The following AGAP1 variants were observed in gnomAD, a reference collection of about 807,000 sequenced individuals.
AGAP1 encodes the protein ArfGAP with GTPase domain, ankyrin repeat and PH domain 1.
AGAP1 carries 29 observed loss-of-function variants against 105.3 expected under a neutral mutation model. That is an observed-to-expected ratio of 0.28 (90% CI 0.21 to 0.38). The LOEUF (loss-of-function observed/expected upper bound fraction) is 0.38. Ranked by LOEUF, AGAP1 falls within the 10% of genes least tolerant of loss-of-function variation. The probability of loss-of-function intolerance (pLI) is 1.00; values close to 1 mark genes in which losing one functional copy is unlikely to be tolerated. For missense variants in AGAP1, 998 were observed against 1,165.1 expected (o/e 0.86, Z 2.09); for synonymous variants, 509 against 485.9 (o/e 1.05, Z -0.63).
chr2:236,059,794 T>C (rs2058140664), intron 16 of AGAP1, among the ~76,000 whole-genome samples: 1 of 152,174 alleles, frequency 6.6e-6, no homozygotes, highest in Non-Finnish European at 1.5e-5. Flanking sequence ...GAAGTTAGAC[T>C]CTTATCTAAT....
Position 235,992,745 on chromosome 2 carries a change from C to T in AGAP1, c.1645+24122C>T, listed in dbSNP as rs991344146. ...CTGAGGTCCTGCACACCTGGGGATGCGTCGTGGGCGCCGAGGAGAGCGTAG... is the reference window on the plus strand; with the variant it reads ...CTGAGGTCCTGCACACCTGGGGATGTGTCGTGGGCGCCGAGGAGAGCGTAG... On this transcript the variant is annotated intron_variant, in intron 13 of 17. Transcript: ENST00000304032. This position sits in a 1 kb window ranked among gnomAD's most constrained non-coding sequence, Gnocchi z 4.8. Among the ~76,000 whole-genome samples the T allele has an allele frequency of 1.3e-5, 2 of 152,198 alleles. No individual in the cohort carries two copies. Among genetic ancestry groups the T allele is most frequent in the African/African-American group, 2.4e-5 (1 of 41,454 alleles).
chr2:235,546,182 A>T (rs1477503722), intron 1 of AGAP1, among the ~76,000 whole-genome samples: 3 of 152,180 alleles, frequency 2.0e-5, no homozygotes. Context: ...GCTAGAATTC[A>T]GTTGATTTCT....
At position 236,036,445 on chromosome 2, in the gene AGAP1, C is replaced by T; in HGVS notation, c.1646-116C>T. On this transcript the variant is annotated intron_variant, in intron 13 of 17. Coordinates refer to ENST00000304032, the MANE Select transcript of AGAP1 (RefSeq NM_001037131.3). The surrounding 1 kb of genome is among the most constrained non-coding windows in gnomAD (Gnocchi z 5.7). ...CGCCGTGGTTGTCCAGTGCCGTGCG[C>T]CTCACCGGTCCATGCAGGGGCAGCT... The T allele has an allele frequency of 7.3e-7, 1 of 1,378,290 alleles. No individual in the cohort carries two copies. Among genetic ancestry groups the T allele is most frequent in the Admixed American group, 2.1e-5 (1 of 48,326 alleles). 85.4% of individuals were successfully genotyped at this position (1,378,290 alleles called of 1,614,324 possible). A position where few individuals can be genotyped will look rare whatever the true frequency, so the allele number is the denominator to read the frequency against.
In AGAP1 at chr2:235,754,390, A is replaced by AAGCG. The variant is rs1953724966; in HGVS notation, c.673+3903_673+3906dup. On this transcript the variant is annotated intron_variant, in intron 6 of 17. Coordinates refer to ENST00000304032, the MANE Select transcript of AGAP1 (RefSeq NM_001037131.3). The surrounding 1 kb of genome is among the most constrained non-coding windows in gnomAD (Gnocchi z 4.6). ...ATGGTAGAAAGAAAACATAAAGGAA[A>AAGCG]AGCGTGTAATTTCTACATAATGTTT... Among the ~76,000 whole-genome samples the AAGCG allele has an allele frequency of 6.6e-6, 1 of 152,070 alleles. No homozygotes were observed. The highest frequency in any genetic ancestry group is 1.5e-5 in the Non-Finnish European group (1 of 68,020).
intron 13 of AGAP1, among the ~76,000 whole-genome samples, chr2:236,033,505 A>G (rs768636772): frequency 5.3e-5 from 8 of 152,268 alleles, no homozygotes; most frequent in Non-Finnish European, 1.0e-4. Context: ...GATACCAGAT[A>G]GCAGCTACTG....
intron 9 of AGAP1, among the ~76,000 whole-genome samples, chr2:235,820,128 A>G (rs1189925567): frequency 1.3e-5 from 2 of 151,968 alleles, no homozygotes; most frequent in Non-Finnish European, 2.9e-5. Context: ...TTCAAGTCCC[A>G]ACCTCAGGTG....
intron 1 of AGAP1, among the ~76,000 whole-genome samples, chr2:235,531,966 G>T (rs909403924): frequency 5.3e-5 from 8 of 152,062 alleles, no homozygotes; most frequent in Non-Finnish European, 1.2e-4. Flanking sequence ...GTGGCTGTCC[G>T]CATTAGATCG....
In AGAP1 at chr2:235,864,715, G is replaced by C. The variant is rs1178196313; in HGVS notation, c.1051-18630G>C. ...AACTAGAAAAATCAAGAGGGGATCT[G>C]TCAGTCCTGGTGGGAAAAAAAAACA... On this transcript the variant is annotated intron_variant, in intron 9 of 17. Coordinates refer to ENST00000304032, the MANE Select transcript of AGAP1 (RefSeq NM_001037131.3). The surrounding 1 kb of genome is among the most constrained non-coding windows in gnomAD (Gnocchi z 5.0). Among the ~76,000 whole-genome samples, 3 of 152,144 alleles carry C rather than the reference G, an allele frequency of 2.0e-5. No homozygotes were observed. The East Asian group carries it at 5.8e-4, about 29-fold the overall frequency.
In AGAP1 at chr2:235,736,364, A is replaced by G. The variant is rs1364856137; in HGVS notation, c.311-4599A>G. ...TTGAAAATGAAGTTATGCTGATGTC[A>G]TTTAATCGTACGTCATCATAATTGG... On this transcript the variant is annotated intron_variant, in intron 3 of 17. Transcript: ENST00000304032. The surrounding 1 kb of genome is among the most constrained non-coding windows in gnomAD (Gnocchi z 5.5). Among the ~76,000 whole-genome samples, 1 of 152,134 alleles carries G rather than the reference A, an allele frequency of 6.6e-6. No individual in the cohort carries two copies. Among genetic ancestry groups the G allele is most frequent in the Non-Finnish European group, 1.5e-5 (1 of 68,030 alleles).
rs1383662263 is a variant in AGAP1, at chr2:235,905,187, A to G, written c.1156-3551A>G. Among the ~76,000 whole-genome samples the G allele has an allele frequency of 6.6e-6, 1 of 152,230 alleles. No individual in the cohort carries two copies. Among genetic ancestry groups the G allele is most frequent in the Non-Finnish European group, 1.5e-5 (1 of 68,042 alleles). On this transcript the variant is annotated intron_variant, in intron 10 of 17. Transcript: ENST00000304032. The surrounding 1 kb of genome is among the most constrained non-coding windows in gnomAD (Gnocchi z 4.2). ...ATGCCTATTAAAAGAGCCCATGCTGAGGCTTAGTCACTATCTGATTAGCCT... is the reference window on the plus strand; with the variant it reads ...ATGCCTATTAAAAGAGCCCATGCTGGGGCTTAGTCACTATCTGATTAGCCT...
At chr2:235,933,015 A>T (rs1392175502) in intron 12 of AGAP1, among the ~76,000 whole-genome samples, 1 of 152,198 alleles carries the variant, frequency 6.6e-6, no homozygotes, top group Non-Finnish European at 1.5e-5. Flanking sequence ...TGACCTCGTA[A>T]ATCTTGAACC....
chr2:236,107,378 C>T (rs1231470173), intron 16 of AGAP1, among the ~76,000 whole-genome samples: 3 of 152,224 alleles, frequency 2.0e-5, no homozygotes, highest in African/African-American at 7.2e-5. Context: ...ACGCATCCTC[C>T]CTGCCGGGCT....
chr2:235,822,294 G>A (rs1007902207), intron 9 of AGAP1, among the ~76,000 whole-genome samples: 1 of 152,214 alleles, frequency 6.6e-6, no homozygotes, highest in African/African-American at 2.4e-5. Flanking sequence ...CTGTATTGGA[G>A]GGAAGGAGTA....
intron 11 of AGAP1, among the ~76,000 whole-genome samples, chr2:235,921,089 G>A (rs1283892146): frequency 6.6e-6 from 1 of 152,156 alleles, no homozygotes; most frequent in South Asian, 2.1e-4. Context: ...TATGCTGTTT[G>A]TTCCAGTAAT....
In AGAP1 at chr2:235,631,737, C is replaced by T. The variant is rs1018113087; in HGVS notation, c.164-77442C>T. Among the ~76,000 whole-genome samples the T allele has an allele frequency of 3.9e-5, 6 of 152,328 alleles. No individual in the cohort carries two copies. The highest frequency in any genetic ancestry group is 4.8e-5 in the African/African-American group (2 of 41,570). ...TCAGAAAATTCTGTGAGGTGACACA[C>T]GGAGCCTTGGAGCTGCCTGTGGCAG... On this transcript the variant is annotated intron_variant, in intron 1 of 17. Transcript: ENST00000304032. This position sits in a 1 kb window ranked among gnomAD's most constrained non-coding sequence, Gnocchi z 5.4.
intron 12 of AGAP1, among the ~76,000 whole-genome samples, chr2:235,946,347 G>A (rs1575849065): frequency 6.9e-6 from 1 of 144,938 alleles, no homozygotes; most frequent in East Asian, 2.0e-4. Context: ...GTGCAGTGGT[G>A]TGATCTCAGC....
At chr2:235,654,811 G>A (rs542322229) in intron 1 of AGAP1, among the ~76,000 whole-genome samples, 2 of 151,910 alleles carry the variant, frequency 1.3e-5, no homozygotes, top group South Asian at 2.1e-4. Context: ...TTATTTTCAC[G>A]TAGGCAAGTG....
Position 236,095,474 on chromosome 2 carries a change from T to A in AGAP1, c.2115-24718T>A, listed in dbSNP as rs550482565. On this transcript the variant is annotated intron_variant, in intron 16 of 17. Coordinates refer to ENST00000304032, the MANE Select transcript of AGAP1 (RefSeq NM_001037131.3). The surrounding 1 kb of genome is among the most constrained non-coding windows in gnomAD (Gnocchi z 4.1). The stretch of plus-strand genomic sequence containing the variant: ...CTGGAGGATCACTTGAGCACAGGAG[T>A]TTGAGACCAGCGTGGGCAACATAGT... Among the ~76,000 whole-genome samples the A allele has an allele frequency of 3.3e-5, 5 of 151,914 alleles. No homozygotes were observed. Among genetic ancestry groups the A allele is most frequent in the African/African-American group, 1.2e-4 (5 of 41,420 alleles).
At position 236,027,202 on chromosome 2, in the gene AGAP1, A is replaced by T. The variant is rs540317605; in HGVS notation, c.1646-9359A>T. The stretch of plus-strand genomic sequence containing the variant: ...AAAAGTCATATGGCAGATATAAATT[A>T]GATCTGAAACTCTACGTGTGGGTAT... On this transcript the variant is annotated intron_variant, in intron 13 of 17. Coordinates refer to ENST00000304032, the MANE Select transcript of AGAP1 (RefSeq NM_001037131.3). The surrounding 1 kb of genome is among the most constrained non-coding windows in gnomAD (Gnocchi z 4.4). Among the ~76,000 whole-genome samples, 3 of 152,270 alleles carry T rather than the reference A, an allele frequency of 2.0e-5. No individual in the cohort carries two copies. The East Asian group carries it at 5.8e-4, about 29-fold the overall frequency.
Sources: gnomAD v4.1 joint callset for allele counts (sites outside exome capture counted in the v4.1 genomes callset) on GRCh38, gnomAD v4.1.1 for gene constraint, Gnocchi (gnomAD v3.1) non-coding constraint, MANE v1.5 for transcripts, NCBI Gene and HGNC (gene_info 2026-07-23, HGNC 2026-07-21) for gene names.